The following DYNC1I1 variants were observed in gnomAD, a reference collection of about 807,000 sequenced individuals.
DYNC1I1 encodes the protein cytoplasmic dynein 1 intermediate chain 1.
A neutral mutation model predicts 86.6 loss-of-function variants in DYNC1I1; 43 were observed. That is an observed-to-expected ratio of 0.50 (90% CI 0.39 to 0.64). The LOEUF is 0.64. Ranked by LOEUF, DYNC1I1 falls within the 30% of genes least tolerant of loss-of-function variation. DYNC1I1 has a pLI of 0.00. For synonymous variants in DYNC1I1, 262 were observed against 283.7 expected, an observed-to-expected ratio of 0.92 and a Z score of 0.77; for missense variants, 604 against 788.8, an observed-to-expected ratio of 0.77 and a Z score of 2.81.
At chr7:96,012,166 G>A (rs766678466) in intron 10 of DYNC1I1, among the ~76,000 whole-genome samples, 7 of 152,132 alleles carry the variant, frequency 4.6e-5, no homozygotes, top group Non-Finnish European at 1.0e-4. Context: ...TGTGATTGAT[G>A]TGATGGTTGA....
In DYNC1I1 at chr7:95,823,600, C is replaced by T. The variant is rs564701140; in HGVS notation, c.315-4457C>T. Among the ~76,000 whole-genome samples the T allele has an allele frequency of 3.3e-5, 5 of 152,152 alleles. No individual in the cohort carries two copies. In the East Asian group the frequency reaches 5.8e-4, roughly 18 times the overall value. On this transcript the variant is annotated intron_variant, in intron 4 of 16. Transcript: ENST00000447467. ...TGCAAGTTCCATGTCCCTCAGCATACATGTGGTACTGCCGGGTAGGGGAAG... is the reference window on the plus strand; with the variant it reads ...TGCAAGTTCCATGTCCCTCAGCATATATGTGGTACTGCCGGGTAGGGGAAG...
At chr7:95,998,276 T>G (rs1467281349) in intron 10 of DYNC1I1, among the ~76,000 whole-genome samples, 1 of 152,240 alleles carries the variant, frequency 6.6e-6, no homozygotes, top group Non-Finnish European at 1.5e-5. Context: ...TGCCATCACC[T>G]AGGCTGCATT....
intron 11 of DYNC1I1, among the ~76,000 whole-genome samples, chr7:96,028,565 G>T (rs1302517749): frequency 6.6e-6 from 1 of 152,130 alleles, no homozygotes; most frequent in Non-Finnish European, 1.5e-5. Flanking sequence ...TCTCCCAAAG[G>T]CCACCAGTGA....
chr7:95,991,676 A>AAG (rs1187756997), intron 9 of DYNC1I1, among the ~76,000 whole-genome samples: 1 of 152,048 alleles, frequency 6.6e-6, no homozygotes, highest in East Asian at 1.9e-4. Context: ...GTAATCTCCA[A>AAG]AGAGAGAGAT....
At chr7:96,055,589 G>A (rs2116134643) in intron 14 of DYNC1I1, among the ~76,000 whole-genome samples, 1 of 152,048 alleles carries the variant, frequency 6.6e-6, no homozygotes, top group Admixed American at 6.6e-5. Flanking sequence ...CATATTGTGT[G>A]TAATACTAGC....
At chr7:96,023,563 A>G (rs1794605823) in intron 10 of DYNC1I1, among the ~76,000 whole-genome samples, 1 of 152,204 alleles carries the variant, frequency 6.6e-6, no homozygotes, top group South Asian at 2.1e-4. Flanking sequence ...GCTAACTTGA[A>G]TTGAATGTAG....
At chr7:96,077,029 T>C (rs1020663810) in intron 15 of DYNC1I1, among the ~76,000 whole-genome samples, 1 of 152,194 alleles carries the variant, frequency 6.6e-6, no homozygotes, top group African/African-American at 2.4e-5. Context: ...TAAAATAAAA[T>C]GGTCTCTGCA....
chr7:95,850,679 T>C (rs2116064572), intron 5 of DYNC1I1, among the ~76,000 whole-genome samples: 1 of 152,352 alleles, frequency 6.6e-6, no homozygotes, highest in Admixed American at 6.5e-5. Flanking sequence ...TTTTGCAGTT[T>C]AAGATCTGTC....
intron 10 of DYNC1I1, among the ~76,000 whole-genome samples, chr7:96,024,039 G>C (rs1041475294): frequency 2.0e-5 from 3 of 152,114 alleles, no homozygotes; most frequent in Non-Finnish European, 2.9e-5. Context: ...TTGACAGTCA[G>C]TCTTACCAGT....
At chr7:96,013,778 C>T (rs999939861) in intron 10 of DYNC1I1, among the ~76,000 whole-genome samples, 3 of 152,254 alleles carry the variant, frequency 2.0e-5, no homozygotes, top group Admixed American at 6.5e-5. Flanking sequence ...ATGCTAATGC[C>T]TACCAAATCT....
chr7:96,086,544 G>A (rs551075523), intron 16 of DYNC1I1, among the ~76,000 whole-genome samples: 35 of 152,264 alleles, frequency 2.3e-4, no homozygotes, highest in African/African-American at 8.2e-4. Flanking sequence ...AAGAAAATAT[G>A]CATAAATCTT....
intron 5 of DYNC1I1, among the ~76,000 whole-genome samples, chr7:95,869,165 G>A (rs1236426587): frequency 6.6e-6 from 1 of 152,172 alleles, no homozygotes; most frequent in Non-Finnish European, 1.5e-5. Context: ...TCATAGAGGT[G>A]TCATAAAGGC....
intron 16 of DYNC1I1, among the ~76,000 whole-genome samples, chr7:96,090,258 T>TGTTG (rs200082803): frequency 0.029 from 4,337 of 151,846 alleles, 192 homozygotes; most frequent in East Asian, 0.22. Context: ...TTGTTGTTGT[T>TGTTG]TTGTTGTTGT....
At chr7:95,940,157 C>T (rs527513920) in intron 6 of DYNC1I1, among the ~76,000 whole-genome samples, 7 of 152,148 alleles carry the variant, frequency 4.6e-5, no homozygotes, top group African/African-American at 7.2e-5. Flanking sequence ...GAGTTTCTGC[C>T]GAGAGATCCG....
chr7:96,031,977 T>A (rs1282053467), intron 11 of DYNC1I1, among the ~76,000 whole-genome samples: 1 of 152,172 alleles, frequency 6.6e-6, no homozygotes, highest in Non-Finnish European at 1.5e-5. Flanking sequence ...TCCTGGGATG[T>A]ATAAATGACC....
intron 14 of DYNC1I1, among the ~76,000 whole-genome samples, chr7:96,063,133 A>G (rs7455158): frequency 0.51 from 59,773 of 116,852 alleles, 11,889 homozygotes; most frequent in African/African-American, 0.61. Flanking sequence ...GTGTGTGTGT[A>G]TGTGTGTGTT....
chr7:95,874,457 G>A (rs1033153428), intron 6 of DYNC1I1, among the ~76,000 whole-genome samples: 22 of 152,186 alleles, frequency 1.4e-4, no homozygotes, highest in African/African-American at 5.1e-4. Context: ...AAAAGCCAGA[G>A]CATTAGGTTT....
chr7:95,922,324 G>A (rs1315758257), intron 6 of DYNC1I1, among the ~76,000 whole-genome samples: 1 of 152,022 alleles, frequency 6.6e-6, no homozygotes, highest in African/African-American at 2.4e-5. Flanking sequence ...TTGTATTTCT[G>A]TAGGACACAG....
intron 5 of DYNC1I1, among the ~76,000 whole-genome samples, chr7:95,863,893 AC>A (rs1332631054): frequency 6.6e-6 from 1 of 152,088 alleles, no homozygotes; most frequent in Non-Finnish European, 1.5e-5. Context: ...TATTCATAGT[AC>A]TAAAAATAGT....
Sources: gnomAD v4.1 joint callset for allele counts (sites outside exome capture counted in the v4.1 genomes callset) on GRCh38, gnomAD v4.1.1 for gene constraint, MANE v1.5 for transcripts, NCBI Gene and HGNC (gene_info 2026-07-23, HGNC 2026-07-21) for gene names.